Variants in ANKRD6 observed in about 807,000 individuals in gnomAD.
The protein encoded by ANKRD6 is ankyrin repeat domain 6.
A neutral mutation model predicts 82.3 loss-of-function variants in ANKRD6; 56 were observed. The ratio of observed to expected loss-of-function variants is 0.68; its 90% confidence interval spans 0.55 to 0.85. The LOEUF (loss-of-function observed/expected upper bound fraction) is 0.85. ANKRD6 is among the 40% of genes least tolerant of loss of function. The pLI is 0.00. For synonymous variants in ANKRD6, 347 were observed against 352.1 expected, an observed-to-expected ratio of 0.99 and a Z score of 0.16; for missense variants, 852 against 907.6, an observed-to-expected ratio of 0.94 and a Z score of 0.79.
At chr6:89,508,769 C>T (rs536907716) in intron 1 of ANKRD6, 1 of 152,284 alleles carries the variant, frequency 6.6e-6, no homozygotes, top group East Asian at 1.9e-4. Context: ...AAGCTTTGCT[C>T]TACTGGGAGA....
intron 14 of ANKRD6, chr6:89,628,802 T>C: frequency 7.7e-6 from 2 of 261,436 alleles, no homozygotes; most frequent in East Asian, 9.2e-5. Flanking sequence ...AAAAAAAAAC[T>C]AATAGAGCAA....
At chr6:89,529,821 G>A (rs1378238295) in intron 1 of ANKRD6, among the ~76,000 whole-genome samples, 1 of 152,184 alleles carries the variant, frequency 6.6e-6, no homozygotes, top group Non-Finnish European at 1.5e-5. Context: ...CCAGGGGTTG[G>A]TGGAGGAGTC....
intron 2 of ANKRD6, among the ~76,000 whole-genome samples, chr6:89,577,306 T>C (rs1791338232): frequency 6.6e-6 from 1 of 152,146 alleles, no homozygotes; most frequent in Non-Finnish European, 1.5e-5. Flanking sequence ...TTCTCTCAAC[T>C]CTGTGTCTTT....
intron 1 of ANKRD6, among the ~76,000 whole-genome samples, chr6:89,509,813 C>T (rs929975891): frequency 6.6e-6 from 1 of 152,140 alleles, no homozygotes; most frequent in African/African-American, 2.4e-5. Flanking sequence ...TTAACTTCTC[C>T]CAAGTAATGT....
At chr6:89,480,043 C>T (rs1439708588) in intron 1 of ANKRD6, among the ~76,000 whole-genome samples, 1 of 152,110 alleles carries the variant, frequency 6.6e-6, no homozygotes, top group African/African-American at 2.4e-5. Flanking sequence ...TAAGTTCCTC[C>T]TCCACCTAAA....
chr6:89,447,271 G>A (rs1772204161), intron 1 of ANKRD6, among the ~76,000 whole-genome samples: 1 of 151,936 alleles, frequency 6.6e-6, no homozygotes, highest in Admixed American at 6.6e-5. Context: ...AAGGGAGGGG[G>A]GCCACTCCAC....
chr6:89,476,957 T>G (rs1036787630), intron 1 of ANKRD6, among the ~76,000 whole-genome samples: 2 of 152,264 alleles, frequency 1.3e-5, no homozygotes, highest in African/African-American at 4.8e-5. Context: ...TTTTGTTTTG[T>G]TTTTTGAGAC....
intron 1 of ANKRD6, among the ~76,000 whole-genome samples, chr6:89,531,723 C>T (rs1413722032): frequency 4.6e-5 from 7 of 152,374 alleles, no homozygotes; most frequent in Middle Eastern, 3.4e-3. Context: ...CCAGTATCAT[C>T]GGACCTTTGG....
intron 1 of ANKRD6, among the ~76,000 whole-genome samples, chr6:89,566,285 A>G (rs1348390014): frequency 2.0e-5 from 3 of 152,242 alleles, no homozygotes; most frequent in Non-Finnish European, 4.4e-5. Context: ...CTCGTGAACT[A>G]CACTATTTAC....
At chr6:89,623,283 T>G in intron 10 of ANKRD6, 127 bp from the exon 11 acceptor site, 1 of 1,283,222 alleles carries the variant, frequency 7.8e-7, no homozygotes, top group Non-Finnish European at 1.0e-6. Context: ...GTCTGAAATT[T>G]ATGTTATTTG....
At chr6:89,571,050 TTTTG>T (rs151254436) in intron 2 of ANKRD6, among the ~76,000 whole-genome samples, 48,283 of 151,510 alleles carry the variant, frequency 0.32, 7,947 homozygotes, top group South Asian at 0.59. Context: ...TGCCTTCTGT[TTTTG>T]TTTGTTTGTT....
At chr6:89,449,029 CAAAAAAAAAAA>C (rs368751340) in intron 1 of ANKRD6, among the ~76,000 whole-genome samples, 1 of 52,424 alleles carries the variant, frequency 1.9e-5, no homozygotes. Context: ...GACTCCGTCT[CAAAAAAAAAAA>C]AAAAAAAAAA....
chr6:89,603,319 A>AT (rs1797680726), intron 4 of ANKRD6, among the ~76,000 whole-genome samples, 192 bp downstream of exon 4: 1 of 146,162 alleles, frequency 6.8e-6, no homozygotes, highest in Non-Finnish European at 1.5e-5. Context: ...AGCCAATTGT[A>AT]ATTTTTTTTT....
intron 1 of ANKRD6, among the ~76,000 whole-genome samples, chr6:89,488,775 C>T (rs1196313367): frequency 6.6e-6 from 1 of 152,094 alleles, no homozygotes; most frequent in African/African-American, 2.4e-5. Context: ...TTAACTGTGA[C>T]CCACTATGAG....
chr6:89,478,775 G>A (rs1776400750), intron 1 of ANKRD6, among the ~76,000 whole-genome samples: 1 of 149,738 alleles, frequency 6.7e-6, no homozygotes, highest in South Asian at 2.1e-4. Flanking sequence ...AAAAAAAGAG[G>A]AAAAATACTT....
At position 89,530,382 on chromosome 6, in the gene ANKRD6, T is replaced by C. The variant is rs560529478; in HGVS notation, c.-143-36452T>C. Among the ~76,000 whole-genome samples the C allele has an allele frequency of 5.9e-5, 9 of 151,758 alleles. 1 individual carries two copies. Among genetic ancestry groups the C allele is most frequent in the Admixed American group, 5.2e-4 (8 of 15,262 alleles). On this transcript the variant is annotated intron_variant, in intron 1 of 15. Coordinates refer to ENST00000339746, the MANE Select transcript of ANKRD6 (RefSeq NM_001242809.2). ...CTCAAGGTAAGGTTGCCACAAACCT[T>C]CAATTTGTTTAAAAAAAAAAAAAAG...
chr6:89,559,056 A>G (rs1450732110), intron 1 of ANKRD6, among the ~76,000 whole-genome samples: 1 of 152,188 alleles, frequency 6.6e-6, no homozygotes, highest in Non-Finnish European at 1.5e-5. Flanking sequence ...TACAAGTAGA[A>G]CAAAAATATG....
At chr6:89,616,117 T>C (rs1414324126) in intron 7 of ANKRD6, among the ~76,000 whole-genome samples, 1 of 152,192 alleles carries the variant, frequency 6.6e-6, no homozygotes. Context: ...GTAGCCATCT[T>C]CACGGCTTCT....
intron 2 of ANKRD6, among the ~76,000 whole-genome samples, chr6:89,573,458 C>G (rs893487763): frequency 1.6e-4 from 24 of 152,296 alleles, no homozygotes; most frequent in African/African-American, 5.3e-4. Flanking sequence ...GATATCCCCT[C>G]TGGAGTCATT....
Sources: allele counts gnomAD v4.1 joint callset (sites outside exome capture counted in the v4.1 genomes callset), GRCh38; gene constraint gnomAD v4.1.1; transcripts MANE v1.5; gene names NCBI Gene and HGNC (gene_info 2026-07-23, HGNC 2026-07-21).